Variants in USO1 observed in about 807,000 individuals in gnomAD.
USO1 encodes the protein USO1 vesicle transport factor.
USO1 carries 57 observed loss-of-function variants against 124.5 expected under a neutral mutation model. The ratio of observed to expected loss-of-function variants is 0.46; its 90% CI spans 0.37 to 0.57. The LOEUF (loss-of-function observed/expected upper bound fraction) is 0.57, where lower values mean the gene tolerates loss of function less well. Ranked by LOEUF, USO1 falls within the 20% of genes least tolerant of loss-of-function variation. USO1 has a pLI of 0.00. For synonymous variants in USO1, 369 were observed against 362.8 expected (o/e 1.02, Z -0.19); for missense variants, 900 against 1,040.6 (o/e 0.86, Z 1.86).
chr4:75,812,885 C>T (rs1008206097), intron 23 of USO1, among the ~76,000 whole-genome samples: 6 of 152,058 alleles, frequency 3.9e-5, no homozygotes, highest in Admixed American at 2.6e-4. Flanking sequence ...CTGAGGTGGG[C>T]AGATTACCTG....
chr4:75,731,197 T>C (rs1291513558), intron 1 of USO1, among the ~76,000 whole-genome samples: 1 of 152,212 alleles, frequency 6.6e-6, no homozygotes, highest in Non-Finnish European at 1.5e-5. Context: ...TATAATAATT[T>C]AGGTCATATG....
At chr4:75,727,743 G>T (rs1377578485) in intron 1 of USO1, among the ~76,000 whole-genome samples, 1 of 151,730 alleles carries the variant, frequency 6.6e-6, no homozygotes, top group Non-Finnish European at 1.5e-5. Context: ...TTTTTTCATG[G>T]TGGCTTTCCA....
At chr4:75,751,529 T>C (rs978433921) in intron 1 of USO1, among the ~76,000 whole-genome samples, 7 of 146,078 alleles carry the variant, frequency 4.8e-5, no homozygotes, top group Admixed American at 4.1e-4. Flanking sequence ...GTTTTAAAAT[T>C]CAGTTTAAAT....
intron 13 of USO1, among the ~76,000 whole-genome samples, chr4:75,796,890 T>C (rs1163213595): frequency 7.1e-5 from 10 of 141,730 alleles, no homozygotes; most frequent in African/African-American, 2.3e-4. Flanking sequence ...TTTTTTTTTT[T>C]CTGGTATGTC....
rs574151508 is a variant in USO1, at chr4:75,807,538, T to A, written c.2376+966T>A. 1.4e-4 allele frequency among the ~76,000 whole-genome samples: 22 copies of A among 152,318 alleles called. 1 individual carries two copies. The South Asian group carries it at 4.6e-3, about 32-fold the overall frequency. On this transcript the variant is annotated intron_variant, in intron 20 of 23. Transcript: ENST00000514213. Reference sequence around the variant, plus strand: ...GAAATTTTGTCTTATTTTGATAATGTCCATGTACCTCAGAGTAGATTCTAA... The same window carrying A: ...GAAATTTTGTCTTATTTTGATAATGACCATGTACCTCAGAGTAGATTCTAA...
intron 10 of USO1, among the ~76,000 whole-genome samples, chr4:75,788,420 G>A (rs964592214): frequency 1.3e-5 from 2 of 151,522 alleles, no homozygotes; most frequent in African/African-American, 4.8e-5. Flanking sequence ...CACCCATCTT[G>A]GCCTCCCGAA....
chr4:75,790,944 G>A lies in USO1; in HGVS notation c.1240+147G>A, dbSNP rs577810989. On this transcript the variant is annotated intron_variant, in intron 12 of 23. Transcript: ENST00000514213. ...AAAAACAAAAACACCTGAATTCTAAGGCCTGCAGGTAAATTTAGACAACAG... is the reference window on the plus strand; with the variant it reads ...AAAAACAAAAACACCTGAATTCTAAAGCCTGCAGGTAAATTTAGACAACAG... 1.7e-5 allele frequency: 19 copies of A among 1,104,164 alleles called. No individual in the cohort carries two copies. The East Asian group carries it at 5.2e-4, about 30-fold the overall frequency. The allele number at this position is 1,104,164 out of a possible 1,614,324, so 68.4% of individuals were successfully genotyped here. A position where few individuals can be genotyped will look rare whatever the true frequency, so the allele number is the denominator to read the frequency against.
chr4:75,812,428 A>T, intron 23 of USO1, 53 bp downstream of exon 23: 3 of 1,511,488 alleles, frequency 2.0e-6, no homozygotes, highest in Admixed American at 2.6e-5. Context: ...AGTATAATGC[A>T]TTTAAAAGAT....
intron 19 of USO1, 42 bp from the exon 20 acceptor site, chr4:75,806,444 A>C (rs888528941): frequency 1.3e-5 from 20 of 1,548,398 alleles, no homozygotes; most frequent in Non-Finnish European, 1.7e-5. Context: ...TCATCTCTTT[A>C]GACTGAATAT....
At chr4:75,746,368 G>A (rs574751178) in intron 1 of USO1, among the ~76,000 whole-genome samples, 4 of 152,306 alleles carry the variant, frequency 2.6e-5, no homozygotes, top group South Asian at 2.1e-4. Context: ...GCACAGAGAC[G>A]TCTAGTAACT....
chr4:75,774,037 A>G (rs896858422), intron 7 of USO1, among the ~76,000 whole-genome samples: 10 of 152,252 alleles, frequency 6.6e-5, no homozygotes, highest in African/African-American at 2.4e-4. Context: ...TTATTGAATG[A>G]TAAAGATATT....
intron 3 of USO1, among the ~76,000 whole-genome samples, chr4:75,753,180 A>G (rs932442602): frequency 4.8e-4 from 73 of 152,250 alleles, no homozygotes; most frequent in African/African-American, 1.8e-3. Context: ...GCACCTTGGA[A>G]GGCTGAGGTG....
At chr4:75,804,548 T>A (rs12508154) in intron 18 of USO1, among the ~76,000 whole-genome samples, 8 of 151,622 alleles carry the variant, frequency 5.3e-5, no homozygotes, top group Admixed American at 1.3e-4. Context: ...GATGCTTTTT[T>A]AAAAAAAAAT....
intron 9 of USO1, among the ~76,000 whole-genome samples, chr4:75,785,519 TTATA>T (rs1722334384): frequency 6.6e-6 from 1 of 152,156 alleles, no homozygotes; most frequent in African/African-American, 2.4e-5. Flanking sequence ...ATTAGAAACT[TTATA>T]TATTAAGTCA....
intron 4 of USO1, 23 bp downstream of exon 4, chr4:75,757,596 T>A (rs944828737): frequency 6.9e-7 from 1 of 1,455,118 alleles, no homozygotes; most frequent in Non-Finnish European, 9.1e-7. Context: ...TTATTTTTAC[T>A]GTGTTTTCTG....
At chr4:75,767,339 C>A (rs192599406) in intron 4 of USO1, among the ~76,000 whole-genome samples, 3 of 152,210 alleles carry the variant, frequency 2.0e-5, no homozygotes, top group Non-Finnish European at 4.4e-5. Context: ...TACCCCCTAA[C>A]ACATACAGCT....
chr4:75,783,936 A>G (rs1722291632), intron 9 of USO1, among the ~76,000 whole-genome samples: 1 of 152,242 alleles, frequency 6.6e-6, no homozygotes, highest in Non-Finnish European at 1.5e-5. Flanking sequence ...GGTATTATAC[A>G]TTTAAGAAGT....
At chr4:75,796,148 G>A (rs560017098) in intron 13 of USO1, among the ~76,000 whole-genome samples, 3 of 151,936 alleles carry the variant, frequency 2.0e-5, no homozygotes, top group African/African-American at 4.8e-5. Context: ...TTATATTAGG[G>A]AAAGTATTTT....
intron 1 of USO1, among the ~76,000 whole-genome samples, chr4:75,735,933 C>CA (rs1162293698): frequency 2.0e-5 from 3 of 151,998 alleles, no homozygotes; most frequent in Non-Finnish European, 4.4e-5. Flanking sequence ...TATTGGCTAG[C>CA]AAAAAATGTT....
Sources: allele counts gnomAD v4.1 joint callset (sites outside exome capture counted in the v4.1 genomes callset), GRCh38; gene constraint gnomAD v4.1.1; transcripts MANE v1.5; gene names NCBI Gene and HGNC (gene_info 2026-07-23, HGNC 2026-07-21).